The following ATP2B4 variants were observed in gnomAD, a reference collection of about 807,000 sequenced individuals.
The protein encoded by ATP2B4 is plasma membrane calcium-transporting ATPase 4.
A neutral mutation model predicts 110.3 loss-of-function variants in ATP2B4; 39 were observed. The observed-to-expected ratio is 0.35, with a 90% CI of 0.27 to 0.46. ATP2B4 has a LOEUF of 0.46. Among genes scored for constraint, ATP2B4 ranks in the 20% least tolerant of loss-of-function variants. ATP2B4 has a pLI of 1.00. For synonymous variants in ATP2B4, 538 were observed against 571.7 expected (o/e 0.94, Z 0.84); for missense variants, 1,135 against 1,530.9 (o/e 0.74, Z 4.32).
At chr1:203,700,747 G>GTC in intron 5 of ATP2B4, 51 bp from the exon 6 acceptor site, 2 of 1,606,868 alleles carry the variant, frequency 1.2e-6, no homozygotes, top group Non-Finnish European at 1.7e-6. Flanking sequence ...ACCAAATCAT[G>GTC]TCTAGGTATT....
intron 13 of ATP2B4, among the ~76,000 whole-genome samples, chr1:203,712,514 C>T (rs1666041025): frequency 6.6e-6 from 1 of 151,618 alleles, no homozygotes; most frequent in Non-Finnish European, 1.5e-5. Flanking sequence ...TCACTTGAAC[C>T]TGGGAGGCGG....
intron 1 of ATP2B4, among the ~76,000 whole-genome samples, chr1:203,654,523 T>A (rs1197036129): frequency 6.6e-6 from 1 of 152,182 alleles, no homozygotes; most frequent in Non-Finnish European, 1.5e-5. Flanking sequence ...CCATAGACAA[T>A]GATTCCTCTG....
At chr1:203,700,987 G>A (rs1665674641) in intron 6 of ATP2B4, 64 bp downstream of exon 6, 1 of 1,557,184 alleles carries the variant, frequency 6.4e-7, no homozygotes, top group Non-Finnish European at 8.7e-7. Flanking sequence ...AGGAAGCGAG[G>A]GAGCAGATCT....
intron 1 of ATP2B4, among the ~76,000 whole-genome samples, chr1:203,660,395 T>A (rs982705605): frequency 1.3e-5 from 2 of 152,038 alleles, no homozygotes; most frequent in Admixed American, 1.3e-4. Context: ...ATGCACGCCA[T>A]TGGGGTGAGA....
chr1:203,686,025 G>A (rs1665169365), intron 2 of ATP2B4, among the ~76,000 whole-genome samples: 1 of 151,522 alleles, frequency 6.6e-6, no homozygotes. Flanking sequence ...AAAAACCCTG[G>A]GTAAGGTGGC....
chr1:203,716,459 G>A (rs1255602402), intron 15 of ATP2B4, among the ~76,000 whole-genome samples: 1 of 145,076 alleles, frequency 6.9e-6, no homozygotes, highest in Non-Finnish European at 1.5e-5. Flanking sequence ...CTCCCAAAAG[G>A]AAAGCAAATG....
chr1:203,639,391 A>G (rs1663558603), intron 1 of ATP2B4, among the ~76,000 whole-genome samples: 2 of 152,318 alleles, frequency 1.3e-5, no homozygotes, highest in African/African-American at 4.8e-5. Context: ...AGGCAAAGGA[A>G]GGGCTCAGCA....
intron 10 of ATP2B4, 144 bp from the exon 11 acceptor site, chr1:203,709,157 C>CA: frequency 1.6e-6 from 2 of 1,220,050 alleles, no homozygotes; most frequent in Non-Finnish European, 2.2e-6. Context: ...ACTCCATCTC[C>CA]AAAAAAGAAA....
chr1:203,678,667 G>C (rs1664903635), intron 1 of ATP2B4, among the ~76,000 whole-genome samples: 2 of 152,292 alleles, frequency 1.3e-5, no homozygotes, highest in South Asian at 2.1e-4. Context: ...GCCTTCCAAA[G>C]TGCTGGGATT....
chr1:203,739,906 A>G lies in ATP2B4; in HGVS notation c.*52A>G, dbSNP rs955865. The G allele has an allele frequency of 0.58, 896,648 of 1,549,958 alleles. 261,218 individuals are homozygous for G. The highest frequency in any genetic ancestry group is 0.71 in the Admixed American group (39,055 of 54,628). ...ATTTTACCTATTTCCATTTTCGTCTATCCCATCTATGAGGTGATGATGGGA... is the reference window on the plus strand; with the variant it reads ...ATTTTACCTATTTCCATTTTCGTCTGTCCCATCTATGAGGTGATGATGGGA... On this transcript the variant is annotated 3_prime_UTR_variant, in exon 21 of 21. Transcript: ENST00000357681.
At chr1:203,646,483 AC>A (rs1481383663) in intron 1 of ATP2B4, among the ~76,000 whole-genome samples, 2 of 151,910 alleles carry the variant, frequency 1.3e-5, no homozygotes, top group Non-Finnish European at 2.9e-5. Flanking sequence ...AAAACAGTCG[AC>A]CAGGCACAGT....
chr1:203,634,397 G>T (rs1322895719), intron 1 of ATP2B4, among the ~76,000 whole-genome samples: 1 of 152,184 alleles, frequency 6.6e-6, no homozygotes, highest in Non-Finnish European at 1.5e-5. Context: ...CCATGTTGGA[G>T]TGCAGTGGCC....
intron 2 of ATP2B4, among the ~76,000 whole-genome samples, chr1:203,695,759 T>C (rs995052569): frequency 1.4e-5 from 2 of 142,946 alleles, no homozygotes; most frequent in Admixed American, 7.1e-5. Flanking sequence ...GAGTATCTTA[T>C]GTATGTCTCC....
rs781419709 is a variant in ATP2B4 at position 203,708,098 on chromosome 1, G to C, written c.1551G>C (p.Lys517Asn). The change falls in exon 10 of 21, where the codon AAG becomes AAC. Residue 517 changes from lysine (K) to asparagine (N), a missense_variant. Lys to Asn is a moderately conservative substitution (Grantham distance 94). This residue lies in a region of ATP2B4 where 368 missense variants were observed against 455.9 expected (regional missense o/e 0.81). Transcript: ENST00000357681. ...GISINSAYTS[K>N]ILPPEKEGGL... is the part of the protein sequence containing the mutation. ...CTATCAACAGTGCTTATACCTCCAA[G>C]ATTCTGGTAAGCATTTCCTTTGCGT... 3.7e-6 allele frequency: 6 copies of C among 1,614,054 alleles called. No individual in the cohort carries two copies. The highest frequency in any genetic ancestry group is 2.2e-5 in the East Asian group (1 of 44,898).
At chr1:203,635,762 T>C (rs1456995766) in intron 1 of ATP2B4, among the ~76,000 whole-genome samples, 1 of 152,242 alleles carries the variant, frequency 6.6e-6, no homozygotes. Context: ...GAGAAGTCCA[T>C]GCCAGAGGCA....
In ATP2B4 at chr1:203,723,953, C is replaced by T; in HGVS notation, c.3097C>T (p.Leu1033Phe). Residue 1033 changes from leucine to phenylalanine, a missense_variant, in exon 19 of 21, where the codon CTC becomes TTC. This residue lies in a region of ATP2B4 where 155 missense variants were observed against 186.2 expected (regional missense o/e 0.83). Coordinates refer to ENST00000357681, the MANE Select transcript of ATP2B4 (RefSeq NM_001684.5). ...CAGCCTGTCTCAGTGGCTGTGGTGT[C>T]TCTTCATTGGGATTGGAGAACTTCT... is the stretch of plus-strand genomic sequence containing the variant. ...SLSLSQWLWC[L>F]FIGIGELLWG... 6.2e-7 allele frequency: 1 copy of T among 1,611,796 alleles called. No individual in the cohort carries two copies. The highest frequency in any genetic ancestry group is 1.7e-5 in the Admixed American group (1 of 59,642).
chr1:203,668,729 C>T (rs1001388759), intron 1 of ATP2B4, among the ~76,000 whole-genome samples: 1 of 152,212 alleles, frequency 6.6e-6, no homozygotes, highest in African/African-American at 2.4e-5. Flanking sequence ...CTTTTCAGCA[C>T]ATTCCTGCTC....
At chr1:203,676,709 A>G (rs1664839016) in intron 1 of ATP2B4, among the ~76,000 whole-genome samples, 1 of 151,216 alleles carries the variant, frequency 6.6e-6, no homozygotes, top group African/African-American at 2.4e-5. Context: ...GAGACGACTG[A>G]GTGGAGGAAG....
chr1:203,627,087 G>GGC lies in ATP2B4; in HGVS notation c.-597_-596insGC, dbSNP rs1251564739. ...CGGCCTTAGCCAGAAAGGCAAGAGA[G>GGC]CAAAGCCAGCGTCTCTAGCTTGGTT... On this transcript the variant is annotated 5_prime_UTR_variant, in exon 1 of 21. Coordinates refer to ENST00000357681, the MANE Select transcript of ATP2B4 (RefSeq NM_001684.5). 8.5e-5 allele frequency: 13 copies of GGC among 152,298 alleles called. No homozygotes were observed. Among genetic ancestry groups the GGC allele is most frequent in the African/African-American group, 3.1e-4 (13 of 41,468 alleles). The allele number at this position is 152,298 out of a possible 1,614,324, so 9.4% of individuals were successfully genotyped here.
Sources: allele counts gnomAD v4.1 joint callset (sites outside exome capture counted in the v4.1 genomes callset), GRCh38; gene constraint gnomAD v4.1.1; regional missense constraint gnomAD v4.1.1; transcripts MANE v1.5; gene names NCBI Gene and HGNC (gene_info 2026-07-23, HGNC 2026-07-21).